The following PIK3R1 variants were observed in gnomAD, a reference collection of about 807,000 sequenced individuals.
PIK3R1 encodes phosphatidylinositol 3-kinase regulatory subunit alpha.
Under a neutral mutation model 98.0 loss-of-function variants are expected in PIK3R1, and 29 were observed. The observed-to-expected ratio is 0.30, with a 90% CI of 0.22 to 0.40. The LOEUF is 0.40. Among genes scored for constraint, PIK3R1 ranks in the 10% least tolerant of loss-of-function variants. The probability of loss-of-function intolerance (pLI) is 1.00; values close to 1 mark genes in which losing one functional copy is unlikely to be tolerated. For synonymous variants in PIK3R1, 282 were observed against 311.8 expected (o/e 0.90, Z 1.01); for missense variants, 596 against 872.7 (o/e 0.68, Z 3.99).
At chr5:68,259,259 TTAAA>T (rs2112099087) in intron 2 of PIK3R1, among the ~76,000 whole-genome samples, 1 of 152,352 alleles carries the variant, frequency 6.6e-6, no homozygotes, top group South Asian at 2.1e-4. Flanking sequence ...ATATGTGGGG[TTAAA>T]TAAAAGATTA....
At position 68,298,501 on chromosome 5, in the gene PIK3R1, T is replaced by C. The variant is rs1747852218; in HGVS notation, c.*900T>C. 4.3e-6 allele frequency: 1 copy of C among 233,244 alleles called. No individual in the cohort carries two copies. The highest frequency in any genetic ancestry group is 1.8e-4 in the South Asian group (1 of 5,526). 14.4% of individuals were successfully genotyped at this position (233,244 alleles called of 1,614,324 possible). A position where few individuals can be genotyped will look rare whatever the true frequency, so the allele number is the denominator to read the frequency against. ...CCCAGTTTTTGTTGCTTGAAAATAT[T>C]GTTGTCCCGGATTTTTGTTAATATT... On this transcript the variant is annotated 3_prime_UTR_variant, in exon 16 of 16. Coordinates refer to ENST00000521381, the MANE Select transcript of PIK3R1 (RefSeq NM_181523.3).
At chr5:68,263,341 G>A (rs1745989103) in intron 2 of PIK3R1, among the ~76,000 whole-genome samples, 1 of 150,012 alleles carries the variant, frequency 6.7e-6, no homozygotes. Flanking sequence ...GCATTGGTTT[G>A]GCACAAATAA....
chr5:68,256,306 T>G (rs1745512689), intron 2 of PIK3R1, among the ~76,000 whole-genome samples: 1 of 152,242 alleles, frequency 6.6e-6, no homozygotes, highest in Non-Finnish European at 1.5e-5. Flanking sequence ...CTCGGCTCAC[T>G]GCAAGCTCCA....
At chr5:68,279,546 C>G in intron 4 of PIK3R1, 56 bp from the exon 5 acceptor site, 1 of 1,410,336 alleles carries the variant, frequency 7.1e-7, no homozygotes, top group East Asian at 2.3e-5. Context: ...AAAATTAGCC[C>G]AACTGATGTA....
chr5:68,236,240 C>T (rs1300334144), intron 2 of PIK3R1, among the ~76,000 whole-genome samples: 1 of 150,694 alleles, frequency 6.6e-6, no homozygotes, highest in African/African-American at 2.4e-5. Context: ...ATATTATAAC[C>T]TTTTTTTGTT....
chr5:68,247,132 A>G (rs1745130178), intron 2 of PIK3R1, among the ~76,000 whole-genome samples: 1 of 152,214 alleles, frequency 6.6e-6, no homozygotes, highest in Admixed American at 6.5e-5. Flanking sequence ...GTGATTTGAT[A>G]TGGAACTTTT....
At chr5:68,229,099 G>A (rs1217287962) in intron 2 of PIK3R1, among the ~76,000 whole-genome samples, 1 of 148,260 alleles carries the variant, frequency 6.7e-6, no homozygotes, top group African/African-American at 2.5e-5. Context: ...TGAGAAATTA[G>A]TAATAACTGA....
chr5:68,262,417 C>T (rs1305270961), intron 2 of PIK3R1, among the ~76,000 whole-genome samples: 1 of 142,616 alleles, frequency 7.0e-6, no homozygotes, highest in Non-Finnish European at 1.5e-5. Context: ...CACACGCACA[C>T]ACACACATAC....
At chr5:68,245,005 C>G (rs544643348) in intron 2 of PIK3R1, among the ~76,000 whole-genome samples, 15 of 152,264 alleles carry the variant, frequency 9.9e-5, no homozygotes, top group African/African-American at 3.1e-4. Context: ...CAGTTAAATG[C>G]CAGATTAAGT....
chr5:68,254,280 G>C (rs1346783816), intron 2 of PIK3R1, among the ~76,000 whole-genome samples: 3 of 152,158 alleles, frequency 2.0e-5, no homozygotes, highest in Non-Finnish European at 2.9e-5. Flanking sequence ...GTTTTGTATG[G>C]TCAAGCCCCT....
chr5:68,222,726 G>T (rs559583810), intron 1 of PIK3R1, among the ~76,000 whole-genome samples: 1 of 152,124 alleles, frequency 6.6e-6, no homozygotes, highest in Non-Finnish European at 1.5e-5. Context: ...CAGTAAAGCC[G>T]CTGTCTGAGA....
intron 2 of PIK3R1, among the ~76,000 whole-genome samples, chr5:68,253,627 A>G (rs1451015713): frequency 2.0e-5 from 3 of 152,198 alleles, no homozygotes; most frequent in Non-Finnish European, 2.9e-5. Flanking sequence ...CCCTATTTTA[A>G]ATAAAATGAC....
chr5:68,278,928 G>A (rs1370249744), intron 4 of PIK3R1, among the ~76,000 whole-genome samples: 2 of 152,182 alleles, frequency 1.3e-5, no homozygotes, highest in African/African-American at 2.4e-5. Context: ...TGGCTACAGA[G>A]TGAGACTCCA....
At chr5:68,235,836 T>C (rs115167403) in intron 2 of PIK3R1, among the ~76,000 whole-genome samples, 1 of 152,180 alleles carries the variant, frequency 6.6e-6, no homozygotes, top group African/African-American at 2.4e-5. Context: ...CCTTAAACAT[T>C]TGCAAACTTA....
At chr5:68,290,708 G>A (rs1468313893) in intron 7 of PIK3R1, 1 of 1,599,602 alleles carries the variant, frequency 6.3e-7, no homozygotes, top group East Asian at 2.2e-5. Context: ...ACTGAGCTCA[G>A]CCAAGGAAAC....
At chr5:68,262,612 TA>T (rs1561278042) in intron 2 of PIK3R1, among the ~76,000 whole-genome samples, 115 of 139,064 alleles carry the variant, frequency 8.3e-4, no homozygotes, top group African/African-American at 3.0e-3. Flanking sequence ...TACACATGTA[TA>T]CACATGTAGA....
In PIK3R1 at chr5:68,226,454, A is replaced by T; in HGVS notation, c.-222A>T. 1.9e-6 allele frequency: 1 copy of T among 515,316 alleles called. No individual in the cohort carries two copies. Among genetic ancestry groups the T allele is most frequent in the Non-Finnish European group, 3.4e-6 (1 of 292,120 alleles). The allele number at this position is 515,316 out of a possible 1,614,324, so 31.9% of individuals were successfully genotyped here. On this transcript the variant is annotated 5_prime_UTR_variant, in exon 2 of 16. In the 5' UTR this introduces an upstream ATG that the reference lacks. Coordinates refer to ENST00000521381, the MANE Select transcript of PIK3R1 (RefSeq NM_181523.3). ...TGAGAGGACTGTGGCACGCAGAGGA[A>T]GTGGAGCCCTGTCTTCGGTCACACC...
intron 2 of PIK3R1, among the ~76,000 whole-genome samples, chr5:68,256,557 A>G (rs1229318021): frequency 6.6e-6 from 1 of 152,196 alleles, no homozygotes; most frequent in African/African-American, 2.4e-5. Context: ...AAAGGGCTAC[A>G]TAAATTCAAG....
intron 2 of PIK3R1, among the ~76,000 whole-genome samples, chr5:68,259,853 T>G (rs1745668653): frequency 6.6e-6 from 1 of 152,156 alleles, no homozygotes; most frequent in African/African-American, 2.4e-5. Flanking sequence ...AAGGATCTCT[T>G]GGAAGGGAGC....
Sources: allele counts gnomAD v4.1 joint callset (sites outside exome capture counted in the v4.1 genomes callset), GRCh38; gene constraint gnomAD v4.1.1; transcripts MANE v1.5; gene names NCBI Gene and HGNC (gene_info 2026-07-23, HGNC 2026-07-21).